Variants in AGGF1 observed in about 807,000 individuals in gnomAD.
AGGF1 encodes angiogenic factor with G-patch and FHA domains 1.
A neutral mutation model predicts 86.5 loss-of-function variants in AGGF1; 56 were observed. The observed-to-expected ratio is 0.65, with a 90% CI of 0.52 to 0.81. AGGF1 has a LOEUF of 0.81. Among genes scored for constraint, AGGF1 ranks in the 30% least tolerant of loss-of-function variants. The probability of loss-of-function intolerance (pLI) is 0.00; values close to 1 mark genes in which losing one functional copy is unlikely to be tolerated. For synonymous variants in AGGF1, 313 were observed against 297.1 expected, an observed-to-expected ratio of 1.05 and a Z score of -0.55; for missense variants, 816 against 850.9, an observed-to-expected ratio of 0.96 and a Z score of 0.51.
In AGGF1 at chr5:77,063,328, A is replaced by C. The variant is rs1747602012; in HGVS notation, c.*76A>C. 1 of 1,379,246 alleles carries C rather than the reference A, an allele frequency of 7.3e-7. No homozygotes were observed. The highest frequency in any genetic ancestry group is 1.2e-5 in the South Asian group (1 of 80,908). 85.4% of individuals were successfully genotyped at this position (1,379,246 alleles called of 1,614,324 possible). On this transcript the variant is annotated 3_prime_UTR_variant, in exon 14 of 14. Transcript: ENST00000312916. Reference sequence around the variant, plus strand: ...AAACTTATTTTTTCTCCCCAAAAGAATCAGCAGCACAGGGGAACTATGTCA... The same window carrying C: ...AAACTTATTTTTTCTCCCCAAAAGACTCAGCAGCACAGGGGAACTATGTCA...
At position 77,030,629 on chromosome 5, in the gene AGGF1, C is replaced by T. The variant is rs1249821997; in HGVS notation, c.-138C>T. ...ACAAGTGAGTTTCAGGGCGTCATGG[C>T]CAGGGGCCACCGCGGCCAGCCGGGT... On this transcript the variant is annotated 5_prime_UTR_variant, in exon 1 of 14. Coordinates refer to ENST00000312916, the MANE Select transcript of AGGF1 (RefSeq NM_018046.5). 4.1e-6 allele frequency: 4 copies of T among 986,406 alleles called. No homozygotes were observed. Among genetic ancestry groups the T allele is most frequent in the South Asian group, 1.4e-5 (1 of 72,360 alleles). The allele number at this position is 986,406 out of a possible 1,614,324, so 61.1% of individuals were successfully genotyped here.
chr5:77,044,588 A>G lies in AGGF1; in HGVS notation c.871-1759A>G, dbSNP rs148084757. 8.6e-3 allele frequency among the ~76,000 whole-genome samples: 1,306 copies of G among 152,220 alleles called. 17 individuals are homozygous for G. Among genetic ancestry groups the G allele is most frequent in the African/African-American group, 0.03 (1,253 of 41,532 alleles). ...TGTACTGGCAAATAGCTTTCCCTGC[A>G]TATGTTGTTCAGTAAGTAATAAATA... On this transcript the variant is annotated intron_variant, in intron 5 of 13. Coordinates refer to ENST00000312916, the MANE Select transcript of AGGF1 (RefSeq NM_018046.5).
In AGGF1 at chr5:77,064,406, A is replaced by G. The variant is rs1178327813; in HGVS notation, c.*1154A>G. 5 of 152,266 alleles carry G rather than the reference A, an allele frequency of 3.3e-5. No individual in the cohort carries two copies. The highest frequency in any genetic ancestry group is 1.2e-4 in the African/African-American group (5 of 41,478). The allele number at this position is 152,266 out of a possible 1,614,324, so 9.4% of individuals were successfully genotyped here. A position where few individuals can be genotyped will look rare whatever the true frequency, so the allele number is the denominator to read the frequency against. ...TGTCTTCGAGATGTAGAAATAAGGA[A>G]TATTCTGAAAATAAAAATTATACAG... On this transcript the variant is annotated 3_prime_UTR_variant, in exon 14 of 14. Transcript: ENST00000312916.
intron 8 of AGGF1, among the ~76,000 whole-genome samples, 189 bp downstream of exon 8, chr5:77,049,176 A>G (rs1417513404): frequency 2.0e-5 from 3 of 152,216 alleles, no homozygotes; most frequent in Non-Finnish European, 4.4e-5. Context: ...CAATTTGAAT[A>G]AATAAAATTA....
intron 11 of AGGF1, among the ~76,000 whole-genome samples, chr5:77,055,850 A>G (rs1018217142): frequency 1.3e-5 from 2 of 152,204 alleles, no homozygotes; most frequent in Non-Finnish European, 2.9e-5. Context: ...TGACATAACT[A>G]GACATGATAG....
At chr5:77,033,105 C>G (rs938926972) in intron 1 of AGGF1, among the ~76,000 whole-genome samples, 5 of 152,184 alleles carry the variant, frequency 3.3e-5, no homozygotes, top group Admixed American at 2.6e-4. Flanking sequence ...AGTCTTGACT[C>G]TACTTTGAAT....
In AGGF1 at chr5:77,035,004, C is replaced by T. The variant is rs189416814; in HGVS notation, c.313+484C>T. On this transcript the variant is annotated intron_variant, in intron 2 of 13. Transcript: ENST00000312916. Reference sequence around the variant, plus strand: ...GTGTCACAAGAAGAAATCATCTTTCCTATTAAGTTTTGCCTTGCTTCAGTC... The same window carrying T: ...GTGTCACAAGAAGAAATCATCTTTCTTATTAAGTTTTGCCTTGCTTCAGTC... Among the ~76,000 whole-genome samples the T allele has an allele frequency of 5.3e-5, 8 of 152,126 alleles. No homozygotes were observed. In the East Asian group the frequency reaches 1.5e-3, roughly 29 times the overall value.
chr5:77,039,745 T>G (rs377493851), intron 5 of AGGF1, 26 bp downstream of exon 5: 8 of 1,593,560 alleles, frequency 5.0e-6, no homozygotes, highest in Non-Finnish European at 6.9e-6. Context: ...TTTTAAAAAT[T>G]GACATAATGG....
In AGGF1 at chr5:77,063,297, A is replaced by T; in HGVS notation, c.*45A>T. 6.4e-7 allele frequency: 1 copy of T among 1,565,798 alleles called. No individual in the cohort carries two copies. Among genetic ancestry groups the T allele is most frequent in the Non-Finnish European group, 8.7e-7 (1 of 1,143,888 alleles). ...AACCTCTAGTTTTTTTAAAAATAGAATTTGGAAACTTATTTTTTCTCCCCA... is the reference window on the plus strand; with the variant it reads ...AACCTCTAGTTTTTTTAAAAATAGATTTTGGAAACTTATTTTTTCTCCCCA... On this transcript the variant is annotated 3_prime_UTR_variant, in exon 14 of 14. Transcript: ENST00000312916.
Position 77,046,609 on chromosome 5 carries a change from C to G in AGGF1, c.1133C>G (p.Thr378Ser). 6.2e-7 allele frequency: 1 copy of G among 1,613,956 alleles called. No homozygotes were observed. Among genetic ancestry groups the G allele is most frequent in the Non-Finnish European group, 8.5e-7 (1 of 1,179,930 alleles). ...PEEGEITDSQ[T>S]EDSYDEAITS... ...GAAGGTGAAATTACAGACTCTCAGA[C>G]TGAGGATAGTTATGACGAAGCCATT... Residue 378 changes from threonine to serine, a missense_variant, in exon 6 of 14, where the codon ACT (threonine) becomes AGT (serine). By Grantham distance (58) the Thr-to-Ser change is moderately conservative (BLOSUM62 1). Coordinates refer to ENST00000312916, the MANE Select transcript of AGGF1 (RefSeq NM_018046.5).
chr5:77,060,381 A>AT (rs1010014779), intron 12 of AGGF1, among the ~76,000 whole-genome samples: 22 of 152,242 alleles, frequency 1.4e-4, no homozygotes, highest in African/African-American at 5.1e-4. Flanking sequence ...ATGGACTGGT[A>AT]TTTTTTAATA....
intron 13 of AGGF1, among the ~76,000 whole-genome samples, chr5:77,062,202 A>G (rs1247520422): frequency 1.3e-5 from 2 of 152,238 alleles, no homozygotes; most frequent in Admixed American, 6.5e-5. Flanking sequence ...CATGAAATAT[A>G]GAGAATAATC....
chr5:77,035,296 A>G (rs892723210), intron 2 of AGGF1, among the ~76,000 whole-genome samples: 1 of 151,570 alleles, frequency 6.6e-6, no homozygotes, highest in African/African-American at 2.4e-5. Context: ...TAACCAACTT[A>G]CCTTTTTTTT....
chr5:77,060,126 G>C (rs529154798), intron 12 of AGGF1, among the ~76,000 whole-genome samples: 2 of 152,330 alleles, frequency 1.3e-5, no homozygotes, highest in African/African-American at 4.8e-5. Flanking sequence ...ACCGGCGTGA[G>C]CTACCACGTC....
At chr5:77,041,977 G>A (rs2150729301) in intron 5 of AGGF1, among the ~76,000 whole-genome samples, 1 of 151,080 alleles carries the variant, frequency 6.6e-6, no homozygotes, top group South Asian at 2.1e-4. Flanking sequence ...CAGTGTTTGT[G>A]TCCCTGGGTA....
chr5:77,043,538 A>T (rs1426933699), intron 5 of AGGF1, among the ~76,000 whole-genome samples: 1 of 99,264 alleles, frequency 1.0e-5, no homozygotes, highest in African/African-American at 4.1e-5. Context: ...CGGGGGGCTG[A>T]CCCCCCCACC....
intron 5 of AGGF1, among the ~76,000 whole-genome samples, chr5:77,043,718 G>T (rs1747188251): frequency 7.1e-6 from 1 of 139,928 alleles, no homozygotes; most frequent in South Asian, 2.3e-4. Flanking sequence ...TGGCTGCCGG[G>T]CGGAGACGCT....
Position 77,055,513 on chromosome 5 carries a change from G to C in AGGF1, c.1634-1G>C. The C allele has an allele frequency of 6.3e-7, 1 of 1,592,710 alleles. No homozygotes were observed. The highest frequency in any genetic ancestry group is 8.6e-7 in the Non-Finnish European group (1 of 1,163,278). On this transcript the variant is annotated splice_acceptor_variant, in intron 10 of 13. Coordinates refer to ENST00000312916, the MANE Select transcript of AGGF1 (RefSeq NM_018046.5). LOFTEE classifies it high-confidence loss of function. ...TTTTAACCAAACTTTTTTTCTTTCA[G>C]TTGGTCCAACACTAAGTAAGGAGGA...
rs560241013 is a variant in AGGF1, at chr5:77,055,615, G to A, written c.1716+19G>A. On this transcript the variant is annotated intron_variant, in intron 11 of 13. Coordinates refer to ENST00000312916, the MANE Select transcript of AGGF1 (RefSeq NM_018046.5). ...TTTACAGGTGAGGATGTTGAATATT[G>A]TTTCATTTGTTAAGCTGTATATCTG... 2 of 1,513,320 alleles carry A rather than the reference G, an allele frequency of 1.3e-6. No homozygotes were observed. The highest frequency in any genetic ancestry group is 4.5e-5 in the East Asian group (2 of 44,096). 93.7% of individuals were successfully genotyped at this position (1,513,320 alleles called of 1,614,324 possible). A position where few individuals can be genotyped will look rare whatever the true frequency, so the allele number is the denominator to read the frequency against.
Sources: allele counts gnomAD v4.1 joint callset (sites outside exome capture counted in the v4.1 genomes callset), GRCh38; gene constraint gnomAD v4.1.1; transcripts MANE v1.5; gene names NCBI Gene and HGNC (gene_info 2026-07-23, HGNC 2026-07-21).